PDE4D: variants seen among roughly 807,000 people sequenced by gnomAD.
PDE4D encodes the protein phosphodiesterase 4D, also known as 3',5'-cyclic-AMP phosphodiesterase 4D.
PDE4D carries 24 observed loss-of-function variants against 87.4 expected under a neutral mutation model. The ratio of observed to expected loss-of-function variants is 0.27; its 90% CI spans 0.20 to 0.39. PDE4D has a LOEUF of 0.39. Ranked by LOEUF, PDE4D falls within the 10% of genes least tolerant of loss-of-function variation. The pLI is 1.00. For missense variants in PDE4D, 714 were observed against 1,041.0 expected, an observed-to-expected ratio of 0.69 and a Z score of 4.32; for synonymous variants, 384 against 383.2, an observed-to-expected ratio of 1.00 and a Z score of -0.02.
intron 2 of PDE4D, among the ~76,000 whole-genome samples, chr5:60,085,147 T>C (rs547408021): frequency 3.9e-5 from 6 of 152,214 alleles, no homozygotes; most frequent in Non-Finnish European, 8.8e-5. Context: ...TTTTTAAAGG[T>C]AGGAACCTGA....
At chr5:60,498,872 C>T (rs757768547) in intron 1 of PDE4D, among the ~76,000 whole-genome samples, 11 of 152,152 alleles carry the variant, frequency 7.2e-5, no homozygotes, top group African/African-American at 2.7e-4. Context: ...AGATCTCTGA[C>T]AGAAGAACTG....
intron 1 of PDE4D, among the ~76,000 whole-genome samples, chr5:60,337,564 T>C (rs1231714635): frequency 5.9e-5 from 9 of 151,676 alleles, no homozygotes; most frequent in Admixed American, 4.6e-4. Context: ...TCAAAACTTA[T>C]AGAACTCTAC....
intron 1 of PDE4D, among the ~76,000 whole-genome samples, chr5:59,520,373 C>G (rs1188659540): frequency 6.6e-6 from 1 of 152,138 alleles, no homozygotes; most frequent in Non-Finnish European, 1.5e-5. Context: ...CATCTGTAAA[C>G]CTTACTGACC....
intron 1 of PDE4D, among the ~76,000 whole-genome samples, chr5:59,574,660 C>T (rs917818584): frequency 4.9e-4 from 75 of 152,198 alleles, no homozygotes; most frequent in African/African-American, 1.6e-3. Flanking sequence ...ATACCTGTCA[C>T]TTCCTCTTCC....
chr5:59,911,301 T>C, intron 3 of PDE4D, among the ~76,000 whole-genome samples: 1 of 152,128 alleles, frequency 6.6e-6, no homozygotes, highest in East Asian at 1.9e-4. Flanking sequence ...GAGATATTTT[T>C]TGGACCCTGA....
chr5:59,766,792 T>C (rs574455973), intron 1 of PDE4D, among the ~76,000 whole-genome samples: 1 of 152,276 alleles, frequency 6.6e-6, no homozygotes, highest in South Asian at 2.1e-4. Flanking sequence ...TGCTCACAAT[T>C]TTTTCCAAAA....
chr5:59,115,043 A>G (rs1372884382), intron 5 of PDE4D, among the ~76,000 whole-genome samples: 1 of 152,136 alleles, frequency 6.6e-6, no homozygotes, highest in Non-Finnish European at 1.5e-5. Flanking sequence ...AGATGCAGCC[A>G]TCAAAGAGTA....
chr5:59,734,085 C>T (rs1325324600), intron 1 of PDE4D, among the ~76,000 whole-genome samples: 1 of 151,906 alleles, frequency 6.6e-6, no homozygotes, highest in African/African-American at 2.4e-5. Flanking sequence ...AAAAATTCTC[C>T]CTGAAACAGA....
intron 1 of PDE4D, among the ~76,000 whole-genome samples, chr5:59,662,907 T>C (rs1745483836): frequency 6.6e-6 from 1 of 152,170 alleles, no homozygotes; most frequent in African/African-American, 2.4e-5. Context: ...CTCAAACCTT[T>C]GACAAAGAAG....
At chr5:59,313,500 CA>C (rs1773093398) in intron 1 of PDE4D, among the ~76,000 whole-genome samples, 1 of 151,582 alleles carries the variant, frequency 6.6e-6, no homozygotes, top group Non-Finnish European at 1.5e-5. Context: ...AGAGATGCCC[CA>C]CACTTATTTG....
At chr5:60,378,909 G>C (rs1322046612) in intron 1 of PDE4D, among the ~76,000 whole-genome samples, 1 of 152,024 alleles carries the variant, frequency 6.6e-6, no homozygotes, top group Non-Finnish European at 1.5e-5. Flanking sequence ...AAGAAAGAAA[G>C]AAAGAAAGCA....
chr5:60,406,819 T>A (rs1482583728), intron 1 of PDE4D, among the ~76,000 whole-genome samples: 1 of 152,128 alleles, frequency 6.6e-6, no homozygotes, highest in Non-Finnish European at 1.5e-5. Flanking sequence ...CGTGGCACAA[T>A]TAGCTAATAC....
intron 1 of PDE4D, among the ~76,000 whole-genome samples, chr5:59,368,079 T>C (rs1783365403): frequency 6.6e-6 from 1 of 152,234 alleles, no homozygotes; most frequent in Non-Finnish European, 1.5e-5. Flanking sequence ...CAGCTGAGGA[T>C]TAACTTCCAA....
At chr5:59,644,989 G>A (rs753038498) in intron 1 of PDE4D, among the ~76,000 whole-genome samples, 5 of 152,172 alleles carry the variant, frequency 3.3e-5, no homozygotes, top group Non-Finnish European at 7.3e-5. Context: ...AAAAGATTAT[G>A]CTATTCAATG....
At position 59,988,558 on chromosome 5, in the gene PDE4D, T is replaced by C. The variant is rs368051995; in HGVS notation, c.202A>G (p.Ile68Val). The change falls in exon 3 of 17, where the codon ATT (isoleucine) becomes GTT (valine). Residue 68 changes from isoleucine to valine, a missense_variant. By Grantham distance (29) the Ile-to-Val change is conservative. Transcript: ENST00000502484. ...AGGGGGAGGCTGGTTGGTCGTTGAA[T>C]GTTCTCTGATTCACTTTTCAAGTCA... 1.5e-5 allele frequency: 24 copies of C among 1,599,360 alleles called. 1 individual carries two copies. The highest frequency in any genetic ancestry group is 1.9e-5 in the Non-Finnish European group (23 of 1,179,728).
chr5:59,497,757 A>G (rs1475876568), intron 1 of PDE4D, among the ~76,000 whole-genome samples: 2 of 152,336 alleles, frequency 1.3e-5, no homozygotes, highest in Admixed American at 1.3e-4. Context: ...ATTTGAGGAT[A>G]TAATTCAGGG....
rs565435714 is a variant in PDE4D, at chr5:59,691,634, G to A, written c.455+201534C>T. On this transcript the variant is annotated intron_variant, in intron 1 of 14. Transcript: ENST00000340635. ...TACGTAATGTAAATGACAAGTTAAC[G>A]GGTGCAGCACACCAACATGGCACAT... Among the ~76,000 whole-genome samples the A allele has an allele frequency of 6.6e-5, 10 of 151,828 alleles. No individual in the cohort carries two copies. In the South Asian group the frequency reaches 1.5e-3, roughly 22 times the overall value.
intron 1 of PDE4D, among the ~76,000 whole-genome samples, chr5:60,418,455 T>C (rs1241266828): frequency 7.6e-4 from 115 of 152,262 alleles, no homozygotes; most frequent in Non-Finnish European, 1.2e-4. Context: ...GTAATAATAA[T>C]AACTCTAATT....
At chr5:59,466,056 C>T (rs1378107817) in intron 1 of PDE4D, among the ~76,000 whole-genome samples, 1 of 152,046 alleles carries the variant, frequency 6.6e-6, no homozygotes, top group Non-Finnish European at 1.5e-5. Flanking sequence ...TAGGATGATC[C>T]TATTTTGAAG....
Sources: gnomAD v4.1 joint callset for allele counts (sites outside exome capture counted in the v4.1 genomes callset) on GRCh38, gnomAD v4.1.1 for gene constraint, MANE v1.5 for transcripts, NCBI Gene and HGNC (gene_info 2026-07-23, HGNC 2026-07-21) for gene names.